The following PDE11A variants were observed in gnomAD, a reference collection of about 807,000 sequenced individuals.
PDE11A encodes the protein dual 3',5'-cyclic-AMP and -GMP phosphodiesterase 11A.
A neutral mutation model predicts 100.5 loss-of-function variants in PDE11A; 100 were observed. That is an observed-to-expected ratio of 1.00 (90% CI 0.85 to 1.18). The LOEUF (loss-of-function observed/expected upper bound fraction) is 1.18. PDE11A is among the 50% of genes most tolerant of loss of function. The pLI is 0.00. For missense variants in PDE11A, 1,141 were observed against 1,152.6 expected (o/e 0.99, Z 0.15); for synonymous variants, 381 against 420.8 (o/e 0.91, Z 1.16).
At chr2:177,731,032 C>T (rs569346199) in intron 10 of PDE11A, among the ~76,000 whole-genome samples, 1 of 152,288 alleles carries the variant, frequency 6.6e-6, no homozygotes, top group South Asian at 2.1e-4. Context: ...TAGAATCATG[C>T]AATATTCGTC....
chr2:177,991,083 G>A (rs2085998393), intron 2 of PDE11A, among the ~76,000 whole-genome samples: 1 of 151,254 alleles, frequency 6.6e-6, no homozygotes, highest in South Asian at 2.1e-4. Flanking sequence ...TAGCACTTTG[G>A]GAGGCCAGCA....
intron 15 of PDE11A, chr2:177,688,434 A>G (rs2080989941): frequency 1.3e-5 from 2 of 152,274 alleles, no homozygotes; most frequent in African/African-American, 2.4e-5. Context: ...TAGATTAAAC[A>G]GAGTAAACAG....
chr2:177,630,562 G>A (rs767330844), intron 19 of PDE11A, among the ~76,000 whole-genome samples: 64 of 152,244 alleles, frequency 4.2e-4, no homozygotes, highest in Non-Finnish European at 8.2e-4. Flanking sequence ...AGAGCAATAG[G>A]TAAATATTTT....
chr2:178,035,971 G>A (rs1474815735), intron 1 of PDE11A, among the ~76,000 whole-genome samples: 1 of 152,134 alleles, frequency 6.6e-6, no homozygotes, highest in African/African-American at 2.4e-5. Context: ...CACAAGACAA[G>A]GATGCCCTCT....
At chr2:178,055,708 T>C (rs982298014) in intron 1 of PDE11A, among the ~76,000 whole-genome samples, 1 of 151,994 alleles carries the variant, frequency 6.6e-6, no homozygotes, top group Non-Finnish European at 1.5e-5. Flanking sequence ...CTTAGGAAAA[T>C]AGTGGTTATC....
At chr2:177,738,728 T>C (rs992372354) in intron 10 of PDE11A, among the ~76,000 whole-genome samples, 1 of 152,198 alleles carries the variant, frequency 6.6e-6, no homozygotes, top group East Asian at 1.9e-4. Flanking sequence ...ACAACCACTA[T>C]TCCTTCTTCC....
chr2:178,084,435 G>A (rs959633136), intron 2 of PDE11A, among the ~76,000 whole-genome samples: 5 of 152,194 alleles, frequency 3.3e-5, no homozygotes, highest in Non-Finnish European at 4.4e-5. Context: ...CTAGCCCATA[G>A]TCAATCTAAA....
intron 5 of PDE11A, among the ~76,000 whole-genome samples, chr2:177,845,752 A>T (rs576896813): frequency 6.6e-6 from 1 of 152,200 alleles, no homozygotes. Context: ...TTGAGCACTG[A>T]GTGAACGAGA....
At chr2:177,664,875 CCT>C (rs1241616153) in intron 18 of PDE11A, among the ~76,000 whole-genome samples, 8 of 152,052 alleles carry the variant, frequency 5.3e-5, no homozygotes, top group African/African-American at 1.7e-4. Flanking sequence ...ATTTTGGTGT[CCT>C]TATAGGCCAT....
intron 2 of PDE11A, among the ~76,000 whole-genome samples, chr2:177,968,669 A>G (rs927000527): frequency 1.3e-5 from 2 of 152,210 alleles, no homozygotes; most frequent in African/African-American, 4.8e-5. Context: ...CAAACATATG[A>G]AAAAAAGCTA....
intron 4 of PDE11A, among the ~76,000 whole-genome samples, chr2:177,893,774 G>C (rs1282226260): frequency 6.6e-6 from 1 of 152,102 alleles, no homozygotes. Context: ...TATGTTCATT[G>C]ATAATAATAA....
intron 5 of PDE11A, among the ~76,000 whole-genome samples, chr2:177,867,172 A>T (rs1467668438): frequency 6.6e-6 from 1 of 152,202 alleles, no homozygotes; most frequent in Non-Finnish European, 1.5e-5. Flanking sequence ...GAAAGTCATG[A>T]TCTAAGGGAC....
chr2:177,995,643 A>AC (rs765709395), intron 2 of PDE11A, among the ~76,000 whole-genome samples: 1 of 91,064 alleles, frequency 1.1e-5, no homozygotes, highest in South Asian at 4.0e-4. Context: ...CTCCACAAAC[A>AC]CCACCCACCC....
chr2:177,871,525 AATT>A (rs142275376), intron 5 of PDE11A, among the ~76,000 whole-genome samples: 20,830 of 138,032 alleles, frequency 0.15, 1,740 homozygotes, highest in East Asian at 0.21. Context: ...GTCAGTAGTA[AATT>A]ATTATTATTA....
intron 15 of PDE11A, among the ~76,000 whole-genome samples, chr2:177,696,229 G>A (rs2081110199): frequency 6.6e-6 from 1 of 152,142 alleles, no homozygotes; most frequent in Non-Finnish European, 1.5e-5. Context: ...GAGGAAGTTT[G>A]GAGTGAAGAA....
At chr2:177,839,744 TAG>T (rs981194520) in intron 6 of PDE11A, among the ~76,000 whole-genome samples, 43 of 152,100 alleles carry the variant, frequency 2.8e-4, no homozygotes, top group Non-Finnish European at 8.8e-5. Context: ...AGTATATATA[TAG>T]AGAGTACACA....
At chr2:177,803,817 T>C (rs6433696) in intron 9 of PDE11A, among the ~76,000 whole-genome samples, 150,281 of 152,134 alleles carry the variant, frequency 0.99, 74,247 homozygotes, top group Middle Eastern at 1. Flanking sequence ...ATAATAAAAG[T>C]CATACACAAC....
chr2:177,881,021 T>C (rs2084324476), intron 4 of PDE11A, among the ~76,000 whole-genome samples: 1 of 152,168 alleles, frequency 6.6e-6, no homozygotes, highest in Admixed American at 6.6e-5. Context: ...GAGATTAGCA[T>C]TCGAATCAAT....
chr2:177,887,281 T>C (rs1015978253), intron 4 of PDE11A, among the ~76,000 whole-genome samples: 1 of 152,084 alleles, frequency 6.6e-6, no homozygotes, highest in Non-Finnish European at 1.5e-5. Context: ...ATCAACAACC[T>C]ACATAATTGG....
Sources: gnomAD v4.1 joint callset for allele counts (sites outside exome capture counted in the v4.1 genomes callset) on GRCh38, gnomAD v4.1.1 for gene constraint, MANE v1.5 for transcripts, NCBI Gene and HGNC (gene_info 2026-07-23, HGNC 2026-07-21) for gene names.